The following GINM1 variants were observed in gnomAD, a reference collection of about 807,000 sequenced individuals.
GINM1 encodes the protein glycoprotein integral membrane protein 1.
In GINM1, 29 loss-of-function variants were observed where a neutral mutation model predicts 37.8. That is an observed-to-expected ratio of 0.77 (90% CI 0.57 to 1.05). GINM1 has a LOEUF of 1.05. Among genes scored for constraint, GINM1 ranks in the 50% least tolerant of loss-of-function variants. The pLI, the probability that GINM1 is intolerant of heterozygous loss-of-function variation, is 0.00. For missense variants in GINM1, 377 were observed against 397.9 expected (o/e 0.95, Z 0.45); for synonymous variants, 143 against 146.2 (o/e 0.98, Z 0.16).
chr6:149,587,511 G>T (rs2115063472), intron 7 of GINM1, among the ~76,000 whole-genome samples: 1 of 152,272 alleles, frequency 6.6e-6, no homozygotes, highest in Non-Finnish European at 1.5e-5. Context: ...CTTTGGGGCG[G>T]CTCACAGATC....
rs1268231780 is a variant in GINM1 at position 149,572,460 on chromosome 6, A to G, written c.181-47A>G. On this transcript the variant is annotated intron_variant, in intron 2 of 7. Transcript: ENST00000367419. ...TCTTTTTTGACTTGAAGAGTTTGCT[A>G]TTGTTTATAAATATTGGAATTAATG... is the stretch of plus-strand genomic sequence containing the variant. 1.1e-5 allele frequency: 14 copies of G among 1,323,662 alleles called. No individual in the cohort carries two copies. In the Admixed American group the frequency reaches 1.3e-4, roughly 12 times the overall value. The allele number at this position is 1,323,662 out of a possible 1,614,324, so 82.0% of individuals were successfully genotyped here. A position where few individuals can be genotyped will look rare whatever the true frequency, so the allele number is the denominator to read the frequency against.
At chr6:149,572,646 T>C (rs1479810880) in intron 3 of GINM1, 43 bp downstream of exon 3, 1 of 1,157,732 alleles carries the variant, frequency 8.6e-7, no homozygotes, top group East Asian at 2.3e-5. Flanking sequence ...CTGTTTTTTG[T>C]GTGTTTGTTG....
chr6:149,578,948 A>C lies in GINM1; in HGVS notation c.404A>C (p.Glu135Ala), dbSNP rs748594378. The C allele has an allele frequency of 3.8e-6, 6 of 1,597,124 alleles. No individual in the cohort carries two copies. Among genetic ancestry groups the C allele is most frequent in the Non-Finnish European group, 3.4e-6 (4 of 1,169,030 alleles). Residue 135 changes from glutamate (E) to alanine (A), a missense_variant, in exon 4 of 8, where the codon GAG (glutamate) becomes GCG (alanine). Transcript: ENST00000367419. Reference sequence around the variant, plus strand: ...TTGCAACTAATTGTCATTCAAGAAGAGGTAGTAGAGATTGATGGAAAACAA... The same window carrying C: ...TTGCAACTAATTGTCATTCAAGAAGCGGTAGTAGAGATTGATGGAAAACAA... ...SSLQLIVIQE[E>A]VVEIDGKQVQ...
intron 6 of GINM1, among the ~76,000 whole-genome samples, chr6:149,581,729 A>G (rs1389473394): frequency 6.6e-6 from 1 of 152,182 alleles, no homozygotes; most frequent in Non-Finnish European, 1.5e-5. Flanking sequence ...ATCTCTCTGT[A>G]TATTAAGTAG....
intron 6 of GINM1, chr6:149,582,231 TGTAA>T (rs1477447097): frequency 3.3e-6 from 2 of 600,428 alleles, no homozygotes; most frequent in African/African-American, 1.9e-5. Context: ...TTTTTAAAGT[TGTAA>T]GTAACTTCAT....
chr6:149,586,059 G>A (rs1778066470), intron 7 of GINM1, among the ~76,000 whole-genome samples: 1 of 152,138 alleles, frequency 6.6e-6, no homozygotes, highest in African/African-American at 2.4e-5. Flanking sequence ...AACCACCTGT[G>A]TTAAGCCATT....
chr6:149,572,375 A>G (rs1165233171), intron 2 of GINM1, 31 bp downstream of exon 2: 1 of 1,475,692 alleles, frequency 6.8e-7, no homozygotes, highest in Non-Finnish European at 9.3e-7. Flanking sequence ...TTAATATATA[A>G]TTTAGCTAAG....
At chr6:149,573,601 C>T (rs781093632) in intron 3 of GINM1, among the ~76,000 whole-genome samples, 23 of 152,048 alleles carry the variant, frequency 1.5e-4, no homozygotes, top group East Asian at 5.8e-4. Flanking sequence ...TGCATAGAGG[C>T]GGGGCATGGC....
chr6:149,572,338 ACAG>A lies in GINM1; in HGVS notation c.178_180del (p.Gln60del). 6.3e-7 allele frequency: 1 copy of A among 1,591,664 alleles called. No individual in the cohort carries two copies. ...TGAAAGATGATGGGGACATATCTAA[ACAG>A]CAGGTTTGTCTCCTTTTCTGGTTTT... On this transcript the variant is annotated inframe_deletion, in exon 2 of 8. Coordinates refer to ENST00000367419, the MANE Select transcript of GINM1 (RefSeq NM_138785.5).
intron 6 of GINM1, among the ~76,000 whole-genome samples, chr6:149,581,531 G>A (rs1300016970): frequency 6.6e-6 from 1 of 152,064 alleles, no homozygotes; most frequent in African/African-American, 2.4e-5. Context: ...TTCTTTATCT[G>A]TACAATGGGG....
intron 7 of GINM1, among the ~76,000 whole-genome samples, chr6:149,589,191 G>A (rs754099860): frequency 1.3e-5 from 2 of 151,884 alleles, no homozygotes; most frequent in Non-Finnish European, 2.9e-5. Context: ...CAGTCCTCCT[G>A]CTTCAGCCTC....
At chr6:149,583,628 GAAA>G (rs112596826) in intron 7 of GINM1, among the ~76,000 whole-genome samples, 3 of 100,988 alleles carry the variant, frequency 3.0e-5, no homozygotes, top group Admixed American at 1.1e-4. Flanking sequence ...ACTCCCTCTC[GAAA>G]AAAAAAAAAA....
At chr6:149,567,168 G>A (rs1052483287) in intron 1 of GINM1, among the ~76,000 whole-genome samples, 1 of 152,204 alleles carries the variant, frequency 6.6e-6, no homozygotes, top group Non-Finnish European at 1.5e-5. Context: ...AGCAGTCCGG[G>A]TTGGAGAGTC....
chr6:149,574,823 G>T (rs1777890527), intron 3 of GINM1, among the ~76,000 whole-genome samples: 1 of 152,174 alleles, frequency 6.6e-6, no homozygotes, highest in Non-Finnish European at 1.5e-5. Flanking sequence ...AGCTGTGATT[G>T]TACCACTGTA....
At position 149,579,835 on chromosome 6, in the gene GINM1, T is replaced by C. The variant is rs993902305; in HGVS notation, c.431T>C (p.Val144Ala). 2 of 1,580,558 alleles carry C rather than the reference T, an allele frequency of 1.3e-6. No individual in the cohort carries two copies. The highest frequency in any genetic ancestry group is 8.6e-7 in the Non-Finnish European group (1 of 1,162,876). The change falls in exon 5 of 8, where the codon GTT becomes GCT. Residue 144 changes from valine to alanine, a missense_variant and splice_region_variant. By Grantham distance (64) the Val-to-Ala change is moderately conservative. Coordinates refer to ENST00000367419, the MANE Select transcript of GINM1 (RefSeq NM_138785.5). ...GAATAATTATATTTTCTTTCACAGG[T>C]TCAGCAAAAGGATGTCACTGAAATT... The part of the protein sequence containing the change: ...EEVVEIDGKQ[V>A]QQKDVTEIDI...
At chr6:149,567,478 T>C (rs899508508) in intron 1 of GINM1, among the ~76,000 whole-genome samples, 4 of 152,048 alleles carry the variant, frequency 2.6e-5, no homozygotes, top group Non-Finnish European at 5.9e-5. Context: ...CCGTCTCTAC[T>C]AAAAATAGAA....
chr6:149,580,285 AAATATGT>A (rs1204457742), intron 5 of GINM1, among the ~76,000 whole-genome samples: 1 of 152,242 alleles, frequency 6.6e-6, no homozygotes, highest in Admixed American at 6.5e-5. Flanking sequence ...ACTGATCACA[AAATATGT>A]AATAAGACTA....
chr6:149,571,005 C>G (rs1777809852), intron 1 of GINM1, among the ~76,000 whole-genome samples: 1 of 152,036 alleles, frequency 6.6e-6, no homozygotes, highest in Non-Finnish European at 1.5e-5. Flanking sequence ...GTATAAGAAA[C>G]ACACTCAAGA....
intron 7 of GINM1, among the ~76,000 whole-genome samples, chr6:149,590,345 A>C (rs2115064861): frequency 6.6e-6 from 1 of 152,334 alleles, no homozygotes; most frequent in South Asian, 2.1e-4. Context: ...ATTTTAAGTA[A>C]CAAAAAGAGC....
Sources: allele counts gnomAD v4.1 joint callset (sites outside exome capture counted in the v4.1 genomes callset), GRCh38; gene constraint gnomAD v4.1.1; transcripts MANE v1.5; gene names NCBI Gene and HGNC (gene_info 2026-07-23, HGNC 2026-07-21).